TNFAIP8L3: variants seen among roughly 807,000 people sequenced by gnomAD.
TNFAIP8L3 encodes tumor necrosis factor alpha-induced protein 8-like protein 3.
A neutral mutation model predicts 11.8 loss-of-function variants in TNFAIP8L3; 7 were observed. That is an observed-to-expected ratio of 0.59 (90% CI 0.34 to 1.11). The LOEUF is 1.11. Ranked by LOEUF, TNFAIP8L3 falls within the 50% of genes most tolerant of loss-of-function variation. TNFAIP8L3 has a pLI of 0.03. For synonymous variants in TNFAIP8L3, 98 were observed against 103.8 expected (o/e 0.94, Z 0.34); for missense variants, 219 against 258.6 (o/e 0.85, Z 1.05).
chr15:51,100,055 G>C (rs1449969720), intron 1 of TNFAIP8L3, among the ~76,000 whole-genome samples: 1 of 152,222 alleles, frequency 6.6e-6, no homozygotes, highest in Non-Finnish European at 1.5e-5. Context: ...TCCTTACCAT[G>C]TCCTGCTAAA....
At position 51,069,015 on chromosome 15, in the gene TNFAIP8L3, A is replaced by T. The variant is rs377140894; in HGVS notation, c.53-10572T>A. ...GAATTATTTAAAAATTAGGGTAGGG[A>T]GGGAGAGGCAGGCTTGGGTGCAATA... On this transcript the variant is annotated intron_variant, in intron 1 of 1. Transcript: ENST00000637513. 4.4e-4 allele frequency among the ~76,000 whole-genome samples: 67 copies of T among 152,186 alleles called. 1 individual carries two copies. The East Asian group carries it at 9.9e-3, about 22-fold the overall frequency.
chr15:51,073,566 G>A lies in TNFAIP8L3; in HGVS notation c.53-15123C>T, dbSNP rs139191575. Reference sequence around the variant, plus strand: ...TTATCTCCAATTGAGACATTTTGCCGAGCTCTGTTATGAGTTCTAATTTAT... The same window carrying A: ...TTATCTCCAATTGAGACATTTTGCCAAGCTCTGTTATGAGTTCTAATTTAT... On this transcript the variant is annotated intron_variant, in intron 1 of 1. Transcript: ENST00000637513. 2.2e-3 allele frequency among the ~76,000 whole-genome samples: 330 copies of A among 152,262 alleles called. 2 individuals are homozygous for A. Among genetic ancestry groups the A allele is most frequent in the African/African-American group, 7.6e-3 (315 of 41,558 alleles).
chr15:51,057,105 T>C lies in TNFAIP8L3; in HGVS notation c.*776A>G, dbSNP rs1419694608. On this transcript the variant is annotated 3_prime_UTR_variant, in exon 2 of 2. Coordinates refer to ENST00000637513, the MANE Select transcript of TNFAIP8L3 (RefSeq NM_001311175.2). The stretch of plus-strand genomic sequence containing the variant: ...TTGTAATTTTAGTAGAGATAGGGTT[T>C]CATCATGTTGGCCAGGCTGATCTTG... 2 of 152,134 alleles carry C rather than the reference T, an allele frequency of 1.3e-5. No homozygotes were observed. Among genetic ancestry groups the C allele is most frequent in the Non-Finnish European group, 2.9e-5 (2 of 68,048 alleles). The allele number at this position is 152,134 out of a possible 1,614,324, so 9.4% of individuals were successfully genotyped here.
At chr15:51,060,537 G>A (rs1334648404) in intron 1 of TNFAIP8L3, among the ~76,000 whole-genome samples, 3 of 152,234 alleles carry the variant, frequency 2.0e-5, no homozygotes, top group African/African-American at 7.2e-5. Context: ...TTACACAGAA[G>A]CAGCAGGTCA....
chr15:51,105,166 G>A (rs775402627), exon 1 of TNFAIP8L3: 2 of 1,613,536 alleles, frequency 1.2e-6, no homozygotes, highest in Non-Finnish European at 1.7e-6. Flanking sequence ...GTTTTGCCGT[G>A]GTTTCCCCAT....
Position 51,057,967 on chromosome 15 carries a change from G to C in TNFAIP8L3, c.529C>G (p.Leu177Val), listed in dbSNP as rs756078137. The part of the protein sequence containing the change: ...HFADVEFLST[L>V]YSLDGDCRPN... ...CTACAGTCTCCATCCAGACTATAGAGGGTGGAGAGGAACTCCACATCGGCA... is the reference window on the plus strand; with the variant it reads ...CTACAGTCTCCATCCAGACTATAGACGGTGGAGAGGAACTCCACATCGGCA... Residue 177 changes from leucine to valine, a missense_variant, in exon 2 of 2, where the codon CTC becomes GTC. By Grantham distance (32) the Leu-to-Val change is conservative (BLOSUM62 1). Coordinates refer to ENST00000637513, the MANE Select transcript of TNFAIP8L3 (RefSeq NM_001311175.2). 1.2e-5 allele frequency: 19 copies of C among 1,614,142 alleles called. No homozygotes were observed. Among genetic ancestry groups the C allele is most frequent in the Non-Finnish European group, 1.4e-5 (17 of 1,180,012 alleles).
chr15:51,082,223 CT>C, intron 1 of TNFAIP8L3, among the ~76,000 whole-genome samples: 1 of 152,230 alleles, frequency 6.6e-6, no homozygotes, highest in East Asian at 1.9e-4. Context: ...CCACTACCAC[CT>C]AGGCTATATG....
chr15:51,101,174 G>A (rs1430526031), intron 1 of TNFAIP8L3, among the ~76,000 whole-genome samples: 1 of 152,204 alleles, frequency 6.6e-6, no homozygotes, highest in Non-Finnish European at 1.5e-5. Flanking sequence ...CCAACCCCTT[G>A]GCTCCAGTAA....
At chr15:51,100,633 G>A (rs1415812906) in intron 1 of TNFAIP8L3, among the ~76,000 whole-genome samples, 2 of 152,116 alleles carry the variant, frequency 1.3e-5, no homozygotes, top group Non-Finnish European at 2.9e-5. Flanking sequence ...AGACACCTGG[G>A]GTCTTATGAA....
At chr15:51,100,541 C>T (rs1194550400) in intron 1 of TNFAIP8L3, among the ~76,000 whole-genome samples, 4 of 152,080 alleles carry the variant, frequency 2.6e-5, no homozygotes, top group African/African-American at 9.7e-5. Context: ...TCCATAAGAG[C>T]AACATGAGTC....
chr15:51,091,828 TAAAC>T lies in TNFAIP8L3; in HGVS notation c.52+2712_52+2715del, dbSNP rs201004083. Among the ~76,000 whole-genome samples the T allele has an allele frequency of 5.5e-3, 837 of 152,344 alleles. 14 individuals carry two copies. Among genetic ancestry groups the T allele is most frequent in the African/African-American group, 0.019 (795 of 41,574 alleles). The stretch of plus-strand genomic sequence containing the variant: ...ATAACAGCAGCAACATTAATTGTTT[TAAAC>T]ATGCATTTATATTTTAAAACACTAG... On this transcript the variant is annotated intron_variant, in intron 1 of 1. Coordinates refer to ENST00000637513, the MANE Select transcript of TNFAIP8L3 (RefSeq NM_001311175.2).
intron 1 of TNFAIP8L3, among the ~76,000 whole-genome samples, chr15:51,101,801 C>T (rs533320680): frequency 3.3e-5 from 5 of 151,000 alleles, no homozygotes; most frequent in Non-Finnish European, 5.9e-5. Flanking sequence ...AAAAAATTAG[C>T]GAGGCGTGAT....
In TNFAIP8L3 at chr15:51,058,102, T is replaced by C. The variant is rs574676365; in HGVS notation, c.394A>G (p.Asn132Asp). The C allele has an allele frequency of 6.2e-7, 1 of 1,614,118 alleles. No individual in the cohort carries two copies. The highest frequency in any genetic ancestry group is 2.2e-5 in the East Asian group (1 of 44,882). Residue 132 changes from asparagine (N) to aspartate (D), a missense_variant, in exon 2 of 2, where the codon AAC becomes GAC. Physicochemically the swap from Asn to Asp is conservative, Grantham distance 23 (BLOSUM62 1). Transcript: ENST00000637513. ...FYEVEYTFDR[N>D]VLSNLLHECK... ...TCATGCAGGAGATTGGAGAGCACGT[T>C]CCTATCGAAGGTGTATTCCACCTCA...
At chr15:51,105,183 T>C (rs751629322) in exon 1 of TNFAIP8L3, 218 of 1,612,820 alleles carry the variant, frequency 1.4e-4, no homozygotes, top group Middle Eastern at 7.5e-4. Flanking sequence ...CCATTTGGAC[T>C]CAGGTGTCCT....
At chr15:51,062,490 C>T (rs773153788) in intron 1 of TNFAIP8L3, among the ~76,000 whole-genome samples, 18 of 152,020 alleles carry the variant, frequency 1.2e-4, no homozygotes, top group Admixed American at 3.3e-4. Context: ...ACAAAGAATA[C>T]GTATTGAAGT....
chr15:51,074,482 T>C (rs945383945), intron 1 of TNFAIP8L3, among the ~76,000 whole-genome samples: 4 of 152,238 alleles, frequency 2.6e-5, no homozygotes, highest in African/African-American at 9.6e-5. Flanking sequence ...CATGGTAGGA[T>C]TCCCTTCTAA....
chr15:51,094,424 C>A lies in TNFAIP8L3; in HGVS notation c.52+120G>T. On this transcript the variant is annotated intron_variant, in intron 1 of 1. Transcript: ENST00000637513. This position sits in a 1 kb window ranked among gnomAD's most constrained non-coding sequence, Gnocchi z 4.4. Reference sequence around the variant, plus strand: ...AAGCAAACTCACGACGCGGAGCAATCCCCAGTCTTGGCCTGGAAGGGGTCG... The same window carrying A: ...AAGCAAACTCACGACGCGGAGCAATACCCAGTCTTGGCCTGGAAGGGGTCG... 1 of 1,178,380 alleles carries A rather than the reference C, an allele frequency of 8.5e-7. No homozygotes were observed. Among genetic ancestry groups the A allele is most frequent in the South Asian group, 2.1e-5 (1 of 47,778 alleles). The allele number at this position is 1,178,380 out of a possible 1,614,324, so 73.0% of individuals were successfully genotyped here.
intron 1 of TNFAIP8L3, among the ~76,000 whole-genome samples, chr15:51,077,789 C>T (rs2065364163): frequency 6.6e-6 from 1 of 152,210 alleles, no homozygotes; most frequent in Admixed American, 6.5e-5. Flanking sequence ...GGATTTCGCG[C>T]CTTGGGCAGG....
chr15:51,084,561 T>TG (rs2065413869), intron 1 of TNFAIP8L3, among the ~76,000 whole-genome samples: 1 of 152,204 alleles, frequency 6.6e-6, no homozygotes, highest in South Asian at 2.1e-4. Flanking sequence ...ATCCATGTCA[T>TG]GGTTTTGCTA....
Sources: allele counts gnomAD v4.1 joint callset (sites outside exome capture counted in the v4.1 genomes callset), GRCh38; gene constraint gnomAD v4.1.1; non-coding constraint Gnocchi (gnomAD v3.1); transcripts MANE v1.5; gene names NCBI Gene and HGNC (gene_info 2026-07-23, HGNC 2026-07-21).